The following NR6A1 variants were observed in gnomAD, a reference collection of about 807,000 sequenced individuals.
NR6A1 encodes retinoic acid receptor-related testis-associated receptor.
Under a neutral mutation model 59.1 loss-of-function variants are expected in NR6A1, and 7 were observed. The ratio of observed to expected loss-of-function variants is 0.12; its 90% confidence interval spans 0.07 to 0.22. NR6A1 has a LOEUF of 0.22. NR6A1 is among the 10% of genes least tolerant of loss of function. The probability of loss-of-function intolerance (pLI) is 1.00; values close to 1 mark genes in which losing one functional copy is unlikely to be tolerated. For missense variants in NR6A1, 468 were observed against 611.6 expected (o/e 0.77, Z 2.48); for synonymous variants, 243 against 236.1 (o/e 1.03, Z -0.27).
At position 124,749,569 on chromosome 9, in the gene NR6A1, A is replaced by G. The variant is rs79316118; in HGVS notation, c.101-16220T>C. On this transcript the variant is annotated intron_variant, in intron 1 of 9. Transcript: ENST00000487099. The stretch of plus-strand genomic sequence containing the variant: ...AAATAAATACGGTATTTTTTTTTTA[A>G]GAGACAGGTCTCGCTATGTTGCCCA... Among the ~76,000 whole-genome samples the G allele has an allele frequency of 4.6e-3, 695 of 152,088 alleles. 6 individuals carry two copies. Among genetic ancestry groups the G allele is most frequent in the African/African-American group, 0.016 (655 of 41,504 alleles).
chr9:124,638,073 T>A (rs1476633497), intron 2 of NR6A1, among the ~76,000 whole-genome samples: 2 of 151,682 alleles, frequency 1.3e-5, no homozygotes, highest in African/African-American at 2.4e-5. Context: ...TACAGTGAGA[T>A]CCCATCTCTA....
chr9:124,609,554 C>T (rs1191740355), intron 2 of NR6A1, among the ~76,000 whole-genome samples: 1 of 152,154 alleles, frequency 6.6e-6, no homozygotes, highest in East Asian at 1.9e-4. Context: ...ATGACACCAA[C>T]TTTGTTCTTT....
intron 2 of NR6A1, among the ~76,000 whole-genome samples, chr9:124,731,786 T>C (rs1029937441): frequency 6.6e-6 from 1 of 152,242 alleles, no homozygotes; most frequent in Non-Finnish European, 1.5e-5. Flanking sequence ...ATATAATACA[T>C]ATAACATACA....
intron 7 of NR6A1, among the ~76,000 whole-genome samples, chr9:124,531,524 G>T (rs1468623822): frequency 6.6e-6 from 1 of 152,304 alleles, no homozygotes; most frequent in Middle Eastern, 3.4e-3. Context: ...GGCAAGGTAG[G>T]AGAGTGCTAT....
At chr9:124,636,227 G>A (rs1029600624) in intron 2 of NR6A1, among the ~76,000 whole-genome samples, 1 of 151,878 alleles carries the variant, frequency 6.6e-6, no homozygotes, top group African/African-American at 2.4e-5. Flanking sequence ...GAGTTTTAAA[G>A]GTTCTTTAGA....
At chr9:124,559,671 G>C (rs2131398732) in intron 2 of NR6A1, among the ~76,000 whole-genome samples, 1 of 152,288 alleles carries the variant, frequency 6.6e-6, no homozygotes, top group South Asian at 2.1e-4. Context: ...CAGCGACTCG[G>C]GAGGCTGAGG....
intron 2 of NR6A1, among the ~76,000 whole-genome samples, chr9:124,702,717 T>TC (rs1564245391): frequency 6.6e-6 from 1 of 151,812 alleles, no homozygotes; most frequent in Non-Finnish European, 1.5e-5. Flanking sequence ...ATGTGCCTTT[T>TC]CCCCCCTCAT....
At chr9:124,767,237 A>G (rs750676052) in intron 1 of NR6A1, among the ~76,000 whole-genome samples, 5 of 152,182 alleles carry the variant, frequency 3.3e-5, no homozygotes, top group Non-Finnish European at 7.4e-5. Context: ...TATTTTTTTC[A>G]TTAGCTCCCC....
At chr9:124,747,884 T>C (rs1022597373) in intron 1 of NR6A1, among the ~76,000 whole-genome samples, 1 of 152,240 alleles carries the variant, frequency 6.6e-6, no homozygotes. Flanking sequence ...TCTCTCTTCC[T>C]GGAATTTAAT....
intron 8 of NR6A1, 132 bp downstream of exon 8, chr9:124,526,647 G>C: frequency 7.4e-7 from 1 of 1,348,384 alleles, no homozygotes; most frequent in Non-Finnish European, 1.0e-6. Context: ...AGTCTTCCTG[G>C]ATTGAAACCC....
intron 2 of NR6A1, among the ~76,000 whole-genome samples, chr9:124,578,109 G>C (rs984901807): frequency 3.3e-5 from 5 of 152,146 alleles, no homozygotes; most frequent in African/African-American, 1.2e-4. Context: ...CAGATCAACA[G>C]TTTTTCAGTC....
chr9:124,758,628 TAAC>T (rs1424466855), intron 1 of NR6A1, among the ~76,000 whole-genome samples: 3 of 152,172 alleles, frequency 2.0e-5, no homozygotes, highest in African/African-American at 7.2e-5. Flanking sequence ...CAAATTATCA[TAAC>T]ATCAGAACTG....
At chr9:124,719,004 A>G (rs1385476569) in intron 2 of NR6A1, among the ~76,000 whole-genome samples, 1 of 151,746 alleles carries the variant, frequency 6.6e-6, no homozygotes, top group Non-Finnish European at 1.5e-5. Context: ...ACTATTATAA[A>G]TGCTAAAAGA....
At chr9:124,571,068 T>A (rs1226124296) in intron 2 of NR6A1, among the ~76,000 whole-genome samples, 2 of 152,212 alleles carry the variant, frequency 1.3e-5, no homozygotes, top group Non-Finnish European at 2.9e-5. Flanking sequence ...AGAGACGATG[T>A]AGTGGACACT....
intron 1 of NR6A1, among the ~76,000 whole-genome samples, chr9:124,767,203 T>C (rs2131210128): frequency 6.6e-6 from 1 of 152,350 alleles, no homozygotes; most frequent in South Asian, 2.1e-4. Context: ...GATTTGGACA[T>C]ATTTTTGGAA....
At chr9:124,681,955 T>C (rs193231125) in intron 2 of NR6A1, among the ~76,000 whole-genome samples, 1 of 152,294 alleles carries the variant, frequency 6.6e-6, no homozygotes, top group African/African-American at 2.4e-5. Flanking sequence ...TCTGATTCCA[T>C]ACCGCAACTA....
intron 2 of NR6A1, among the ~76,000 whole-genome samples, chr9:124,623,970 C>A (rs187138220): frequency 6.6e-6 from 1 of 152,274 alleles, no homozygotes; most frequent in African/African-American, 2.4e-5. Context: ...TATCACCTCA[C>A]CAGAGTCTTT....
At chr9:124,693,424 T>C (rs1484086143) in intron 2 of NR6A1, among the ~76,000 whole-genome samples, 1 of 152,208 alleles carries the variant, frequency 6.6e-6, no homozygotes, top group African/African-American at 2.4e-5. Flanking sequence ...AGCAGGTCCC[T>C]CAGCTGTGGT....
rs538319023 is a variant in NR6A1, at chr9:124,633,382, G to A, written c.143-78812C>T. ...CGCGCCACTGCACTCCAGCCTGGGC[G>A]ACAGAGCGAAACTCCGTCTCAAAAA... On this transcript the variant is annotated intron_variant, in intron 2 of 9. Coordinates refer to ENST00000487099, the MANE Select transcript of NR6A1 (RefSeq NM_033334.4). Among the ~76,000 whole-genome samples the A allele has an allele frequency of 2.1e-3, 279 of 131,804 alleles. 2 individuals are homozygous for A. Among genetic ancestry groups the A allele is most frequent in the African/African-American group, 7.6e-3 (258 of 33,814 alleles). 86.5% of individuals were successfully genotyped at this position (131,804 alleles called of 152,430 possible).
Sources: gnomAD v4.1 joint callset for allele counts (sites outside exome capture counted in the v4.1 genomes callset) on GRCh38, gnomAD v4.1.1 for gene constraint, MANE v1.5 for transcripts, NCBI Gene and HGNC (gene_info 2026-07-23, HGNC 2026-07-21) for gene names.